Variants in NCOA4 observed in about 807,000 individuals in gnomAD.
NCOA4 encodes the protein nuclear receptor coactivator 4.
Under a neutral mutation model 69.5 loss-of-function variants are expected in NCOA4, and 31 were observed. The ratio of observed to expected loss-of-function variants is 0.45; its 90% CI spans 0.34 to 0.60. NCOA4 has a LOEUF of 0.60. Ranked by LOEUF, NCOA4 falls within the 20% of genes least tolerant of loss-of-function variation. NCOA4 has a pLI of 0.02. For synonymous variants in NCOA4, 228 were observed against 252.4 expected, an observed-to-expected ratio of 0.90 and a Z score of 0.92; for missense variants, 600 against 719.2, an observed-to-expected ratio of 0.83 and a Z score of 1.90.
Position 46,016,568 on chromosome 10 carries a change from T to G in NCOA4, c.113A>C (p.Glu38Ala). ...ELAIGGVLRA[E>A]QQIKDNLREV... is the part of the protein sequence containing the mutation. ...TCGCAAGTTATCTTTAATTTGCTGT[T>G]CAGCCCGGAGAACTCCACCAATAGC... The change falls in exon 2 of 10, where the codon GAA (glutamate) becomes GCA (alanine). Residue 38 changes from glutamate (E) to alanine (A), a missense_variant. By Grantham distance (107) the Glu-to-Ala change is moderately radical. Coordinates refer to ENST00000581486, the MANE Select transcript of NCOA4 (RefSeq NM_001145263.2). 1 of 1,535,900 alleles carries G rather than the reference T, an allele frequency of 6.5e-7. No individual in the cohort carries two copies. Among genetic ancestry groups the G allele is most frequent in the Non-Finnish European group, 8.8e-7 (1 of 1,133,302 alleles).
At chr10:46,014,266 C>T (rs1160092151) in intron 5 of NCOA4, among the ~76,000 whole-genome samples, 178 bp downstream of exon 5, 2 of 152,184 alleles carry the variant, frequency 1.3e-5, no homozygotes, top group African/African-American at 4.8e-5. Flanking sequence ...ATCCGCCCTC[C>T]TCGGCCTCCC....
chr10:46,012,248 G>A lies in NCOA4; in HGVS notation c.714+635C>T, dbSNP rs574571645. Among the ~76,000 whole-genome samples, 13 of 152,190 alleles carry A rather than the reference G, an allele frequency of 8.5e-5. No homozygotes were observed. In the East Asian group the frequency reaches 2.1e-3, roughly 25 times the overall value. On this transcript the variant is annotated intron_variant, in intron 7 of 9. Transcript: ENST00000581486. The stretch of plus-strand genomic sequence containing the variant: ...AGCAGGTACCCTGAATATTCTGCTG[G>A]TGAGACTATAAACTGTTGGCAACTT...
intron 1 of NCOA4, among the ~76,000 whole-genome samples, chr10:46,027,048 G>C (rs1230856445): frequency 6.6e-6 from 1 of 152,060 alleles, no homozygotes; most frequent in Non-Finnish European, 1.5e-5. Flanking sequence ...GGCGGATCAC[G>C]AGGTCAGGTC....
chr10:46,008,679 G>A (rs1276466707), intron 9 of NCOA4, among the ~76,000 whole-genome samples: 11 of 152,208 alleles, frequency 7.2e-5, no homozygotes, highest in Non-Finnish European at 1.6e-4. Flanking sequence ...GGATAAAGCA[G>A]CAACATGGTT....
intron 9 of NCOA4, 85 bp from the exon 10 acceptor site, chr10:46,006,682 C>T (rs1838836275): frequency 8.0e-7 from 1 of 1,254,770 alleles, no homozygotes; most frequent in Non-Finnish European, 1.2e-6. Flanking sequence ...CGACTCATTT[C>T]CCAATACAGG....
chr10:46,012,045 A>AG (rs1839241208), intron 7 of NCOA4, among the ~76,000 whole-genome samples: 1 of 129,302 alleles, frequency 7.7e-6, no homozygotes, highest in African/African-American at 2.8e-5. Flanking sequence ...TGGGAGACAG[A>AG]GCAAGACTCG....
At chr10:46,021,184 A>G (rs1839848388) in intron 1 of NCOA4, among the ~76,000 whole-genome samples, 1 of 152,266 alleles carries the variant, frequency 6.6e-6, no homozygotes, top group South Asian at 2.1e-4. Flanking sequence ...AAGCTAAGTC[A>G]TTACTGTATG....
rs370888279 is a variant in NCOA4 at position 46,011,138 on chromosome 10, G to C, written c.783C>G (p.Leu261=). The C allele has an allele frequency of 1.2e-6, 2 of 1,612,862 alleles. No homozygotes were observed. The highest frequency in any genetic ancestry group is 2.2e-5 in the East Asian group (1 of 44,896). Reference sequence around the variant, plus strand: ...GATAACTTGATTTTTCACTCTTGAGGAGCCAGTTTTCTAAGCCCTTTAGGT... The same window carrying C: ...GATAACTTGATTTTTCACTCTTGAGCAGCCAGTTTTCTAAGCCCTTTAGGT... ...GGNLKGLENW[L]LKSEKSSYQK... The change falls in exon 8 of 10, where the codon CTC becomes CTG. Residue 261 remains leucine, a synonymous_variant. Transcript: ENST00000581486.
intron 2 of NCOA4, among the ~76,000 whole-genome samples, chr10:46,016,197 G>A (rs1839528153): frequency 1.3e-5 from 2 of 152,214 alleles, no homozygotes; most frequent in South Asian, 2.1e-4. Context: ...TCAAGAGGAT[G>A]CAGCTGAGAG....
intron 4 of NCOA4, 44 bp downstream of exon 4, chr10:46,014,800 TAGTATACCAA>T: frequency 7.0e-7 from 1 of 1,433,174 alleles, no homozygotes; most frequent in Non-Finnish European, 9.7e-7. Flanking sequence ...GACTTTCTTT[TAGTATACCAA>T]AGTTCAAGAG....
chr10:46,022,847 C>T (rs1271500103), intron 1 of NCOA4, among the ~76,000 whole-genome samples: 2 of 152,176 alleles, frequency 1.3e-5, no homozygotes, highest in South Asian at 2.1e-4. Context: ...AATTCCTTAT[C>T]AAGACAAGCA....
At chr10:46,007,858 G>C (rs1838941018) in intron 9 of NCOA4, among the ~76,000 whole-genome samples, 1 of 152,086 alleles carries the variant, frequency 6.6e-6, no homozygotes, top group African/African-American at 2.4e-5. Context: ...CAAAGTGCTG[G>C]AATTGCAGGC....
chr10:46,009,316 G>A, intron 9 of NCOA4, 95 bp downstream of exon 9: 1 of 1,492,764 alleles, frequency 6.7e-7, no homozygotes, highest in South Asian at 1.2e-5. Flanking sequence ...AAAGGGATAT[G>A]GTTCAGTGAG....
Position 46,013,615 on chromosome 10 carries a change from G to A in NCOA4, c.505C>T (p.His169Tyr). ...TIQIPEHLMA[H>Y]ASSANIGPFL... ...GGCCCAATATTTGCTGAACTAGCATGAGCCATCAAGTGCTCAGGAATTTGC... is the reference window on the plus strand; with the variant it reads ...GGCCCAATATTTGCTGAACTAGCATAAGCCATCAAGTGCTCAGGAATTTGC... Residue 169 changes from histidine to tyrosine, a missense_variant, in exon 6 of 10, where the codon CAT becomes TAT. Transcript: ENST00000581486. 7 of 1,612,924 alleles carry A rather than the reference G, an allele frequency of 4.3e-6. No individual in the cohort carries two copies. The highest frequency in any genetic ancestry group is 5.9e-6 in the Non-Finnish European group (7 of 1,179,262).
At chr10:46,017,999 A>C (rs1380028560) in intron 1 of NCOA4, among the ~76,000 whole-genome samples, 1 of 152,250 alleles carries the variant, frequency 6.6e-6, no homozygotes, top group Non-Finnish European at 1.5e-5. Context: ...CTGTAGACAC[A>C]AAGGGATGAC....
chr10:46,019,762 A>G (rs1337953381), intron 1 of NCOA4, among the ~76,000 whole-genome samples: 8 of 152,370 alleles, frequency 5.3e-5, no homozygotes, highest in South Asian at 2.1e-4. Flanking sequence ...ATGAGATTTA[A>G]AAGTTACAAA....
intron 1 of NCOA4, among the ~76,000 whole-genome samples, chr10:46,024,601 TAA>T (rs1391478946): frequency 6.6e-6 from 1 of 152,196 alleles, no homozygotes; most frequent in South Asian, 2.1e-4. Context: ...TACATAAACA[TAA>T]AAAGACTAAG....
chr10:46,009,153 T>TCC (rs1306694361), intron 9 of NCOA4: 57 of 1,550,518 alleles, frequency 3.7e-5, no homozygotes, highest in Middle Eastern at 3.4e-4. Context: ...ACTACTAGAA[T>TCC]CCACATGGGA....
intron 1 of NCOA4, among the ~76,000 whole-genome samples, chr10:46,017,033 C>T (rs1464612659): frequency 6.6e-6 from 1 of 152,194 alleles, no homozygotes; most frequent in Non-Finnish European, 1.5e-5. Flanking sequence ...TTATAACACA[C>T]ATATAGTCAT....
Sources: allele counts gnomAD v4.1 joint callset (sites outside exome capture counted in the v4.1 genomes callset), GRCh38; gene constraint gnomAD v4.1.1; transcripts MANE v1.5; gene names NCBI Gene and HGNC (gene_info 2026-07-23, HGNC 2026-07-21).